The following RAD51B variants were observed in gnomAD, a reference collection of about 807,000 sequenced individuals.
RAD51B encodes DNA repair protein RAD51 homolog 2.
In RAD51B, 38 loss-of-function variants were observed where a neutral mutation model predicts 42.2. The observed-to-expected ratio is 0.90, with a 90% CI of 0.70 to 1.18. The LOEUF (loss-of-function observed/expected upper bound fraction) is 1.18. Among genes scored for constraint, RAD51B ranks in the 50% most tolerant of loss-of-function variants. The pLI is 0.00. For missense variants in RAD51B, 373 were observed against 400.7 expected, an observed-to-expected ratio of 0.93 and a Z score of 0.59; for synonymous variants, 154 against 145.2, an observed-to-expected ratio of 1.06 and a Z score of -0.43.
chr14:68,427,309 G>C (rs2084875830), intron 9 of RAD51B, among the ~76,000 whole-genome samples: 1 of 152,214 alleles, frequency 6.6e-6, no homozygotes, highest in Non-Finnish European at 1.5e-5. Context: ...CAGAACTGCA[G>C]AGCAACCAAT....
chr14:68,541,800 G>A (rs1255853705), intron 10 of RAD51B: 2 of 985,174 alleles, frequency 2.0e-6, no homozygotes, highest in East Asian at 1.1e-4. Flanking sequence ...ACTTTAAATG[G>A]CCACTCTGCA....
intron 7 of RAD51B, among the ~76,000 whole-genome samples, chr14:68,156,531 T>C (rs1795064578): frequency 6.6e-6 from 1 of 150,514 alleles, no homozygotes; most frequent in South Asian, 2.1e-4. Flanking sequence ...TATCTTGCTA[T>C]TCTTGGGTCT....
intron 8 of RAD51B, 85 bp from the exon 9 acceptor site, chr14:68,411,339 T>G: frequency 9.0e-7 from 1 of 1,116,680 alleles, no homozygotes; most frequent in Non-Finnish European, 1.4e-6. Context: ...TCTGGACTAC[T>G]GGCAATGAGT....
chr14:67,966,193 A>C (rs1313745616), intron 7 of RAD51B, among the ~76,000 whole-genome samples: 4 of 152,182 alleles, frequency 2.6e-5, no homozygotes, highest in Admixed American at 1.3e-4. Context: ...AAAGGTGTAA[A>C]GAATGATTAG....
chr14:68,650,077 C>A (rs1271429920), intron 10 of RAD51B, among the ~76,000 whole-genome samples: 1 of 152,162 alleles, frequency 6.6e-6, no homozygotes, highest in Non-Finnish European at 1.5e-5. Flanking sequence ...AATGTCTGAT[C>A]TTTGCTGATG....
intron 7 of RAD51B, among the ~76,000 whole-genome samples, chr14:68,260,297 C>CTGTGTGTGTGTG (rs763590538): frequency 1.1e-4 from 2 of 18,168 alleles, no homozygotes; most frequent in African/African-American, 7.6e-4. Context: ...GGCTGAGAGA[C>CTGTGTGTGTGTG]CGTGTGTGTG....
intron 9 of RAD51B, among the ~76,000 whole-genome samples, chr14:68,428,174 C>A (rs893306947): frequency 2.6e-5 from 4 of 152,148 alleles, no homozygotes; most frequent in African/African-American, 9.7e-5. Flanking sequence ...ATTACCCAGT[C>A]TGTGGTATTC....
intron 10 of RAD51B, among the ~76,000 whole-genome samples, chr14:68,520,989 G>T (rs753735194): frequency 2.0e-5 from 3 of 152,154 alleles, no homozygotes; most frequent in Non-Finnish European, 2.9e-5. Context: ...AGGGGGTAGG[G>T]GTAAGGGCAC....
intron 7 of RAD51B, among the ~76,000 whole-genome samples, chr14:68,002,785 C>T (rs1236223161): frequency 1.3e-5 from 2 of 152,084 alleles, no homozygotes; most frequent in African/African-American, 2.4e-5. Flanking sequence ...TAAATAGGGA[C>T]TCCTTTTCCC....
At chr14:67,945,180 T>C (rs964587743) in intron 7 of RAD51B, among the ~76,000 whole-genome samples, 5 of 152,172 alleles carry the variant, frequency 3.3e-5, no homozygotes, top group African/African-American at 9.7e-5. Flanking sequence ...GGTATTAAAA[T>C]ATCTAAAGCA....
intron 8 of RAD51B, among the ~76,000 whole-genome samples, chr14:68,369,040 C>G (rs557046136): frequency 6.6e-6 from 1 of 152,288 alleles, no homozygotes; most frequent in East Asian, 1.9e-4. Context: ...AAACTAACAG[C>G]CTTCCTGAGT....
intron 10 of RAD51B, among the ~76,000 whole-genome samples, chr14:68,605,878 G>GTC (rs1311986441): frequency 1.3e-5 from 2 of 152,194 alleles, no homozygotes; most frequent in Non-Finnish European, 2.9e-5. Context: ...CTGGAATGCA[G>GTC]TCTCATTCGC....
chr14:67,832,940 A>C (rs2041102926), intron 3 of RAD51B, among the ~76,000 whole-genome samples: 1 of 152,258 alleles, frequency 6.6e-6, no homozygotes, highest in Admixed American at 6.5e-5. Flanking sequence ...AGATTAATAA[A>C]AGTAATTAAA....
At position 68,286,284 on chromosome 14, in the gene RAD51B, A is replaced by G. The variant is rs2081413781; in HGVS notation, c.757-5600A>G. On this transcript the variant is annotated intron_variant, in intron 7 of 10. Transcript: ENST00000471583. ...GTTCACTTGGTGGAAAATGGGGATT[A>G]CAAAATTTGCCTCTCAGCTGCCCCC... is the stretch of plus-strand genomic sequence containing the variant. Among the ~76,000 whole-genome samples the G allele has an allele frequency of 2.0e-5, 3 of 152,194 alleles. No homozygotes were observed. In the South Asian group the frequency reaches 6.2e-4, roughly 32 times the overall value.
intron 7 of RAD51B, among the ~76,000 whole-genome samples, chr14:68,065,670 G>A (rs999624381): frequency 1.9e-4 from 29 of 152,114 alleles, no homozygotes; most frequent in African/African-American, 6.8e-4. Flanking sequence ...TGGACCAAAG[G>A]TGTTCTTGTG....
At chr14:68,133,632 T>G (rs113667502) in intron 7 of RAD51B, among the ~76,000 whole-genome samples, 1 of 151,910 alleles carries the variant, frequency 6.6e-6, no homozygotes, top group Non-Finnish European at 1.5e-5. Flanking sequence ...CCACCACGCC[T>G]GGCTAATTTT....
chr14:67,885,981 C>T lies in RAD51B; in HGVS notation c.565C>T (p.Leu189=). ...LYRELTCDEV[L]QRIESLEEEI... ...TCGGGAACTCACCTGTGATGAAGTT[C>T]TACAAAGGTATGCTGCTTTAGATTT... is the stretch of plus-strand genomic sequence containing the variant. The change falls in exon 6 of 11, where the codon CTA becomes TTA. Residue 189 remains leucine (L), a synonymous_variant. Transcript: ENST00000471583. 1 of 1,589,236 alleles carries T rather than the reference C, an allele frequency of 6.3e-7. No homozygotes were observed. Among genetic ancestry groups the T allele is most frequent in the Non-Finnish European group, 8.6e-7 (1 of 1,162,198 alleles).
At chr14:68,328,075 A>T (rs2082282325) in intron 8 of RAD51B, among the ~76,000 whole-genome samples, 1 of 152,094 alleles carries the variant, frequency 6.6e-6, no homozygotes. Context: ...TATATACCTC[A>T]GGTACCTTTA....
chr14:68,207,251 CAT>C (rs941857000), intron 7 of RAD51B, among the ~76,000 whole-genome samples: 2 of 152,150 alleles, frequency 1.3e-5, no homozygotes, highest in African/African-American at 4.8e-5. Context: ...AATACACACA[CAT>C]ATACACCTAC....
Sources: gnomAD v4.1 joint callset for allele counts (sites outside exome capture counted in the v4.1 genomes callset) on GRCh38, gnomAD v4.1.1 for gene constraint, MANE v1.5 for transcripts, NCBI Gene and HGNC (gene_info 2026-07-23, HGNC 2026-07-21) for gene names.